TRIM67: variants seen among roughly 807,000 people sequenced by gnomAD.
The protein encoded by TRIM67 is tripartite motif containing 67, also known as tripartite motif-containing protein 67.
A neutral mutation model predicts 71.0 loss-of-function variants in TRIM67; 39 were observed. The observed-to-expected ratio is 0.55, with a 90% confidence interval of 0.43 to 0.72. The LOEUF is 0.72. Ranked by LOEUF, TRIM67 falls within the 30% of genes least tolerant of loss-of-function variation. The pLI, the probability that TRIM67 is intolerant of heterozygous loss-of-function variation, is 0.00. For synonymous variants in TRIM67, 481 were observed against 473.9 expected (o/e 1.01, Z -0.19); for missense variants, 973 against 1,079.2 (o/e 0.90, Z 1.38).
At chr1:231,173,280 C>T (rs994480384) in intron 1 of TRIM67, among the ~76,000 whole-genome samples, 1 of 152,188 alleles carries the variant, frequency 6.6e-6, no homozygotes, top group African/African-American at 2.4e-5. Context: ...GACACAGTGT[C>T]CCATGCCTAT....
chr1:231,179,324 C>G (rs1232315353), intron 1 of TRIM67, among the ~76,000 whole-genome samples: 1 of 152,238 alleles, frequency 6.6e-6, no homozygotes, highest in Non-Finnish European at 1.5e-5. Context: ...GGACACCAGT[C>G]ATAATGGATT....
At position 231,180,580 on chromosome 1, in the gene TRIM67, C is replaced by T. The variant is rs1015014908; in HGVS notation, c.1044+16567C>T. ...AAATCTATTGCATTGAAGATGGCAG[C>T]CTGGAGCATGGAGGAAGGGGGTGAT... On this transcript the variant is annotated intron_variant, in intron 1 of 9. Transcript: ENST00000366653. Among the ~76,000 whole-genome samples the T allele has an allele frequency of 5.9e-5, 9 of 152,044 alleles. No homozygotes were observed. In the South Asian group the frequency reaches 1.9e-3, roughly 32 times the overall value.
Position 231,217,319 on chromosome 1 carries a change from T to C in TRIM67, c.*1879T>C. 1.0e-6 allele frequency: 1 copy of C among 986,150 alleles called. No homozygotes were observed. The highest frequency in any genetic ancestry group is 1.2e-6 in the Non-Finnish European group (1 of 830,406). 61.1% of individuals were successfully genotyped at this position (986,150 alleles called of 1,614,324 possible). A position where few individuals can be genotyped will look rare whatever the true frequency, so the allele number is the denominator to read the frequency against. On this transcript the variant is annotated 3_prime_UTR_variant, in exon 10 of 10. Coordinates refer to ENST00000366653, the MANE Select transcript of TRIM67 (RefSeq NM_001004342.5). ...TCTAGGTCTTGCCTCTTCCTTGTCA[T>C]CTCACCAAGCGGTTTCTGGGTCTCC...
chr1:231,187,654 T>C, intron 1 of TRIM67: 1 of 1,264,680 alleles, frequency 7.9e-7, no homozygotes, highest in Non-Finnish European at 1.1e-6. Context: ...ATCTCTACTG[T>C]CTCCCAAGTG....
chr1:231,163,904 G>A lies in TRIM67; in HGVS notation c.935G>A (p.Ser312Asn). ...TCPEHEMENYSMYCVSCRTPV... is the reference protein window; with the variant it reads ...TCPEHEMENYNMYCVSCRTPV... ...CCCGAGCATGAAATGGAGAACTACAGCATGTACTGCGTGAGCTGTCGAACC... is the reference window on the plus strand; with the variant it reads ...CCCGAGCATGAAATGGAGAACTACAACATGTACTGCGTGAGCTGTCGAACC... Residue 312 changes from serine (S) to asparagine (N), a missense_variant, in exon 1 of 10, where the codon AGC (serine) becomes AAC (asparagine). Physicochemically the swap from Ser to Asn is conservative, Grantham distance 46 (BLOSUM62 1). This residue lies in a region of TRIM67 where 795 missense variants were observed against 831.3 expected (regional missense o/e 0.96). Transcript: ENST00000366653. The A allele has an allele frequency of 6.3e-7, 1 of 1,586,664 alleles. No homozygotes were observed. The highest frequency in any genetic ancestry group is 8.6e-7 in the Non-Finnish European group (1 of 1,167,070).
In TRIM67 at chr1:231,211,605, C is replaced by T. The variant is rs114115802; in HGVS notation, c.2124-2210C>T. 2.7e-3 allele frequency among the ~76,000 whole-genome samples: 415 copies of T among 152,332 alleles called. 2 individuals carry two copies. Among genetic ancestry groups the T allele is most frequent in the African/African-American group, 9.6e-3 (400 of 41,568 alleles). On this transcript the variant is annotated intron_variant, in intron 8 of 9. Transcript: ENST00000366653. ...CCCTCGGGGGAAACCCTGCCTTCTC[C>T]GGAAACACCTGTCTGGGCCGCCCAC... is the stretch of plus-strand genomic sequence containing the variant.
chr1:231,212,066 G>T (rs1683887502), intron 8 of TRIM67, among the ~76,000 whole-genome samples: 1 of 152,202 alleles, frequency 6.6e-6, no homozygotes, highest in South Asian at 2.1e-4. Flanking sequence ...TCTCGGCCAC[G>T]AGTAACGAGC....
rs967480747 is a variant in TRIM67 at position 231,219,806 on chromosome 1, C to A, written c.*4366C>A. 6 of 1,270,786 alleles carry A rather than the reference C, an allele frequency of 4.7e-6. No homozygotes were observed. Among genetic ancestry groups the A allele is most frequent in the Non-Finnish European group, 6.1e-6 (6 of 978,380 alleles). 78.7% of individuals were successfully genotyped at this position (1,270,786 alleles called of 1,614,324 possible). A position where few individuals can be genotyped will look rare whatever the true frequency, so the allele number is the denominator to read the frequency against. ...GTGAGCCGGTAGCTGTGTTTGTTGACCACATTCTTTGGCAGTTCCTCCCAG... is the reference window on the plus strand; with the variant it reads ...GTGAGCCGGTAGCTGTGTTTGTTGAACACATTCTTTGGCAGTTCCTCCCAG... On this transcript the variant is annotated 3_prime_UTR_variant, in exon 10 of 10. Transcript: ENST00000366653.
At chr1:231,166,774 A>G (rs1176580275) in intron 1 of TRIM67, among the ~76,000 whole-genome samples, 2 of 152,202 alleles carry the variant, frequency 1.3e-5, no homozygotes, top group Non-Finnish European at 1.5e-5. Flanking sequence ...TAAGATTATC[A>G]CCTTTTAAAA....
At chr1:231,174,454 C>G (rs923266391) in intron 1 of TRIM67, among the ~76,000 whole-genome samples, 2 of 152,088 alleles carry the variant, frequency 1.3e-5, no homozygotes, top group Non-Finnish European at 2.9e-5. Context: ...GCATAAGCCA[C>G]CATGTCCAGC....
chr1:231,219,767 CTT>C lies in TRIM67; in HGVS notation c.*4330_*4331del, dbSNP rs1233705236. 1 of 1,208,276 alleles carries C rather than the reference CTT, an allele frequency of 8.3e-7. No homozygotes were observed. The highest frequency in any genetic ancestry group is 1.0e-6 in the Non-Finnish European group (1 of 952,450). 74.8% of individuals were successfully genotyped at this position (1,208,276 alleles called of 1,614,324 possible). On this transcript the variant is annotated 3_prime_UTR_variant, in exon 10 of 10. Transcript: ENST00000366653. Reference sequence around the variant, plus strand: ...ATGGTGATGCTGGAAAATTTCAGGACTTTTCTTTTGCAAGTGAGCCGGTAGCT... The same window carrying C: ...ATGGTGATGCTGGAAAATTTCAGGACTTCTTTTGCAAGTGAGCCGGTAGCT...
At chr1:231,191,474 T>C (rs1683227542) in intron 1 of TRIM67, among the ~76,000 whole-genome samples, 2 of 152,008 alleles carry the variant, frequency 1.3e-5, no homozygotes, top group African/African-American at 4.8e-5. Context: ...GGTGTTGAGA[T>C]GGTGGGTGGG....
chr1:231,202,551 C>G (rs191864613), intron 5 of TRIM67, among the ~76,000 whole-genome samples: 4 of 152,280 alleles, frequency 2.6e-5, no homozygotes, highest in African/African-American at 9.6e-5. Context: ...CGGAGTCCTA[C>G]TCTGCATGCT....
chr1:231,186,060 C>T (rs535437368), intron 1 of TRIM67: 4 of 1,529,494 alleles, frequency 2.6e-6, no homozygotes, highest in Admixed American at 3.9e-5. Flanking sequence ...GGATGTTCCC[C>T]GTGAGCAGAA....
At chr1:231,185,017 G>A (rs1240335727) in intron 1 of TRIM67, 2 of 1,532,850 alleles carry the variant, frequency 1.3e-6, no homozygotes, top group Non-Finnish European at 1.7e-6. Flanking sequence ...GGGAGGGTCA[G>A]CTTATTCTGC....
At chr1:231,182,603 C>G (rs962811747) in intron 1 of TRIM67, among the ~76,000 whole-genome samples, 2 of 152,056 alleles carry the variant, frequency 1.3e-5, no homozygotes, top group Non-Finnish European at 2.9e-5. Context: ...AAGGGCACAT[C>G]CAGCAGATGA....
At chr1:231,203,798 T>C in intron 5 of TRIM67, 69 bp from the exon 6 acceptor site, 1 of 1,541,650 alleles carries the variant, frequency 6.5e-7, no homozygotes, top group Non-Finnish European at 8.7e-7. Flanking sequence ...TGGGATGGGG[T>C]GGGGTGGGGG....
chr1:231,180,438 G>A (rs561249549), intron 1 of TRIM67, among the ~76,000 whole-genome samples: 73 of 152,206 alleles, frequency 4.8e-4, no homozygotes, highest in Admixed American at 9.2e-4. Context: ...TATGAAGCCA[G>A]GATACTGTCT....
At chr1:231,190,410 T>C (rs1347943663) in intron 1 of TRIM67, among the ~76,000 whole-genome samples, 1 of 152,210 alleles carries the variant, frequency 6.6e-6, no homozygotes, top group Non-Finnish European at 1.5e-5. Flanking sequence ...GCTGATCTTC[T>C]GAGCTGCTTT....
Sources: allele counts gnomAD v4.1 joint callset (sites outside exome capture counted in the v4.1 genomes callset), GRCh38; gene constraint gnomAD v4.1.1; regional missense constraint gnomAD v4.1.1; transcripts MANE v1.5; gene names NCBI Gene and HGNC (gene_info 2026-07-23, HGNC 2026-07-21).